Variants in SORCS3 observed in about 807,000 individuals in gnomAD.
SORCS3 encodes the protein VPS10 domain-containing receptor SorCS3.
Under a neutral mutation model 146.3 loss-of-function variants are expected in SORCS3, and 57 were observed. The ratio of observed to expected loss-of-function variants is 0.39; its 90% CI spans 0.31 to 0.49. The LOEUF is 0.49. Ranked by LOEUF, SORCS3 falls within the 20% of genes least tolerant of loss-of-function variation. The pLI, the probability that SORCS3 is intolerant of heterozygous loss-of-function variation, is 0.92. For synonymous variants in SORCS3, 653 were observed against 618.5 expected, an observed-to-expected ratio of 1.06 and a Z score of -0.83; for missense variants, 1,341 against 1,575.5, an observed-to-expected ratio of 0.85 and a Z score of 2.52.
At chr10:105,068,484 T>C (rs1300154617) in intron 5 of SORCS3, among the ~76,000 whole-genome samples, 1 of 152,194 alleles carries the variant, frequency 6.6e-6, no homozygotes, top group Non-Finnish European at 1.5e-5. Flanking sequence ...TTCCTCTCTG[T>C]TTCTCTGCCT....
chr10:104,849,957 C>G (rs2018255913), intron 2 of SORCS3, among the ~76,000 whole-genome samples: 1 of 152,184 alleles, frequency 6.6e-6, no homozygotes, highest in Admixed American at 6.5e-5. Flanking sequence ...TAACGTATTT[C>G]TTGGTTTTCA....
intron 1 of SORCS3, among the ~76,000 whole-genome samples, chr10:104,786,783 C>T (rs1333753513): frequency 1.3e-5 from 2 of 152,054 alleles, no homozygotes; most frequent in Non-Finnish European, 2.9e-5. Context: ...AAGAATTGTG[C>T]AGGATCAGGC....
intron 2 of SORCS3, among the ~76,000 whole-genome samples, chr10:104,859,490 T>C (rs2133559453): frequency 6.6e-6 from 1 of 152,294 alleles, no homozygotes; most frequent in East Asian, 1.9e-4. Flanking sequence ...GGCATTACCA[T>C]TCAGGACATA....
chr10:104,965,632 G>A (rs1011251002), intron 3 of SORCS3, among the ~76,000 whole-genome samples: 6 of 152,062 alleles, frequency 3.9e-5, no homozygotes, highest in Non-Finnish European at 8.8e-5. Flanking sequence ...ATGGGTGTGA[G>A]GTTGTATCTC....
intron 2 of SORCS3, among the ~76,000 whole-genome samples, chr10:104,914,085 A>G (rs887153189): frequency 6.6e-6 from 1 of 152,134 alleles, no homozygotes; most frequent in African/African-American, 2.4e-5. Flanking sequence ...TCCCTCAGAT[A>G]AGGAACCTGA....
intron 10 of SORCS3, 106 bp from the exon 11 acceptor site, chr10:105,158,786 C>G (rs2056234450): frequency 1.2e-6 from 1 of 809,428 alleles, no homozygotes; most frequent in South Asian, 1.4e-5. Flanking sequence ...CCATCCAATG[C>G]CTTGCTATTT....
intron 12 of SORCS3, among the ~76,000 whole-genome samples, chr10:105,166,034 C>T (rs1327460600): frequency 6.6e-6 from 1 of 152,168 alleles, no homozygotes; most frequent in African/African-American, 2.4e-5. Flanking sequence ...AAAAGCCTAA[C>T]ATTGCAGACT....
At position 105,181,356 on chromosome 10, in the gene SORCS3, A is replaced by G. The variant is rs549658835; in HGVS notation, c.2009+3183A>G. Among the ~76,000 whole-genome samples the G allele has an allele frequency of 5.3e-5, 8 of 152,322 alleles. No homozygotes were observed. The South Asian group carries it at 1.7e-3, about 32-fold the overall frequency. On this transcript the variant is annotated intron_variant, in intron 14 of 26. Coordinates refer to ENST00000369701, the MANE Select transcript of SORCS3 (RefSeq NM_014978.3). ...TGGGGGCTGGGGTTGGATAGGAATC[A>G]GAGCAGACTGCATATGTGTGTAGAG...
chr10:104,642,249 C>G (rs1439383718), intron 1 of SORCS3, among the ~76,000 whole-genome samples: 1 of 152,152 alleles, frequency 6.6e-6, no homozygotes, highest in Non-Finnish European at 1.5e-5. Flanking sequence ...TCACTTTCTC[C>G]AATACTTGGC....
In SORCS3 at chr10:105,223,189, C is replaced by T. The variant is rs12252190; in HGVS notation, c.2808C>T (p.Val936=). 7.4e-6 allele frequency: 12 copies of T among 1,613,310 alleles called. No individual in the cohort carries two copies. The highest frequency in any genetic ancestry group is 2.2e-5 in the South Asian group (2 of 90,994). ...IRNKEVNISA[V]VWPSQLGTLT... ...ATAAGGAGGTCAACATCAGTGCAGT[C>T]GTGTGGCCCAGTCAACTGGGGACCC... The change falls in exon 20 of 27, where the codon GTC becomes GTT. Residue 936 remains valine, a synonymous_variant. Transcript: ENST00000369701.
At chr10:105,091,209 TTCCTTCCTTCCCTC>T (rs1259781626) in intron 6 of SORCS3, among the ~76,000 whole-genome samples, 5 of 117,506 alleles carry the variant, frequency 4.3e-5, no homozygotes, top group Non-Finnish European at 9.1e-5. Context: ...CCTTCCCTCC[TTCCTTCCTTCCCTC>T]CTTCCTTCCT....
At chr10:105,175,376 G>A (rs1191101046) in intron 13 of SORCS3, among the ~76,000 whole-genome samples, 1 of 152,012 alleles carries the variant, frequency 6.6e-6, no homozygotes, top group Admixed American at 6.6e-5. Flanking sequence ...TTATTGATAA[G>A]GAAATCCTGA....
chr10:104,863,524 G>C (rs1324772602), intron 2 of SORCS3, among the ~76,000 whole-genome samples: 1 of 152,110 alleles, frequency 6.6e-6, no homozygotes, highest in Non-Finnish European at 1.5e-5. Flanking sequence ...CTGCTACCTG[G>C]TCTTACTGTG....
chr10:104,902,879 G>T (rs1008076250), intron 2 of SORCS3, among the ~76,000 whole-genome samples: 2 of 152,212 alleles, frequency 1.3e-5, no homozygotes, highest in Non-Finnish European at 2.9e-5. Context: ...GTAGGTAGGA[G>T]AGCAGGAATT....
At chr10:105,142,238 A>G (rs1210987136) in intron 8 of SORCS3, among the ~76,000 whole-genome samples, 1 of 152,180 alleles carries the variant, frequency 6.6e-6, no homozygotes, top group Non-Finnish European at 1.5e-5. Flanking sequence ...TTCAGGTTGA[A>G]AGTAAAAATG....
chr10:105,103,953 TC>T (rs1337972706), intron 6 of SORCS3, among the ~76,000 whole-genome samples: 1 of 152,208 alleles, frequency 6.6e-6, no homozygotes, highest in Non-Finnish European at 1.5e-5. Flanking sequence ...CACTGCTTAT[TC>T]CTAGTACCCA....
intron 4 of SORCS3, among the ~76,000 whole-genome samples, chr10:105,002,676 A>G (rs1018660872): frequency 6.6e-5 from 10 of 152,260 alleles, no homozygotes; most frequent in Admixed American, 2.0e-4. Flanking sequence ...GGTAATGCAG[A>G]TGTAGAACTT....
At chr10:104,788,327 A>G (rs1203739656) in intron 1 of SORCS3, among the ~76,000 whole-genome samples, 1 of 152,226 alleles carries the variant, frequency 6.6e-6, no homozygotes, top group Non-Finnish European at 1.5e-5. Flanking sequence ...GCATTTATAG[A>G]ATGGAATACT....
chr10:105,242,166 C>A (rs1445474515), intron 20 of SORCS3, among the ~76,000 whole-genome samples: 1 of 150,238 alleles, frequency 6.7e-6, no homozygotes, highest in Non-Finnish European at 1.5e-5. Flanking sequence ...AATCATTCTA[C>A]CATTTTACAT....
Sources: gnomAD v4.1 joint callset for allele counts (sites outside exome capture counted in the v4.1 genomes callset) on GRCh38, gnomAD v4.1.1 for gene constraint, MANE v1.5 for transcripts, NCBI Gene and HGNC (gene_info 2026-07-23, HGNC 2026-07-21) for gene names.